CORO2B: variants seen among roughly 807,000 people sequenced by gnomAD.
CORO2B encodes coronin-2B.
In CORO2B, 26 loss-of-function variants were observed where a neutral mutation model predicts 58.8. The observed-to-expected ratio is 0.44, with a 90% CI of 0.32 to 0.61. The LOEUF (loss-of-function observed/expected upper bound fraction) is 0.61. CORO2B is among the 20% of genes least tolerant of loss of function. CORO2B has a pLI of 0.04. For synonymous variants in CORO2B, 242 were observed against 253.8 expected, an observed-to-expected ratio of 0.95 and a Z score of 0.44; for missense variants, 460 against 645.1, an observed-to-expected ratio of 0.71 and a Z score of 3.11.
the CORO2B span, chr15:68,559,710 C>T: frequency 2.3e-5 from 20 of 886,768 alleles, no homozygotes; most frequent in African/African-American, 3.4e-4. The surrounding 1 kb of genome is among the most constrained non-coding windows in gnomAD (Gnocchi z 4.3). Context: ...TGGGGTTCTC[C>T]CAGGGGGACT....
chr15:68,683,256 G>C (rs1027707998), intron 2 of CORO2B, among the ~76,000 whole-genome samples: 2 of 152,150 alleles, frequency 1.3e-5, no homozygotes, highest in Admixed American at 6.5e-5. Flanking sequence ...CTGGTGGGGA[G>C]CCTGAAGGAC....
intron 2 of CORO2B, among the ~76,000 whole-genome samples, chr15:68,673,965 C>T (rs899076199): frequency 6.6e-6 from 1 of 152,012 alleles, no homozygotes; most frequent in African/African-American, 2.4e-5. Context: ...TTTCGGTGGA[C>T]CCAGAAGCAG....
At chr15:68,555,537 T>A in the CORO2B span, among the ~76,000 whole-genome samples, 46 of 152,286 alleles carry the variant, frequency 3.0e-4, 1 homozygote, top group Non-Finnish European at 5.9e-5. Flanking sequence ...TGGCAACCTG[T>A]GGCTGGGACT....
intron 3 of CORO2B, among the ~76,000 whole-genome samples, chr15:68,701,301 C>A (rs926307844): frequency 7.8e-5 from 11 of 141,922 alleles, no homozygotes; most frequent in African/African-American, 3.1e-4. Flanking sequence ...GGACTAGTTT[C>A]TTTTTTTTCT....
At chr15:68,714,434 G>T in intron 6 of CORO2B, 125 bp from the exon 7 acceptor site, 1 of 738,118 alleles carries the variant, frequency 1.4e-6, no homozygotes, top group Non-Finnish European at 2.3e-6. Context: ...CATAGGACGG[G>T]CTTTTTAACA....
intron 3 of CORO2B, among the ~76,000 whole-genome samples, chr15:68,704,342 A>T (rs925026816): frequency 3.3e-5 from 5 of 152,088 alleles, no homozygotes; most frequent in African/African-American, 1.2e-4. Context: ...CTTAAGTGTT[A>T]TTCTTTGGTC....
At chr15:68,719,629 T>C in intron 11 of CORO2B, 77 bp downstream of exon 11, 1 of 1,473,144 alleles carries the variant, frequency 6.8e-7, no homozygotes, top group Non-Finnish European at 9.1e-7. Flanking sequence ...GCTTCAGGCC[T>C]TTAAGCCAGT....
At chr15:68,703,533 G>T (rs1892710607) in intron 3 of CORO2B, among the ~76,000 whole-genome samples, 1 of 152,088 alleles carries the variant, frequency 6.6e-6, no homozygotes, top group African/African-American at 2.4e-5. Context: ...AGCTACTAAG[G>T]GGTTAGATAT....
chr15:68,533,845 A>C, the CORO2B span, among the ~76,000 whole-genome samples: 1 of 152,216 alleles, frequency 6.6e-6, no homozygotes. Flanking sequence ...AGGTAATCAA[A>C]GGGTGGGGAC....
At chr15:68,642,789 T>C (rs1275387275) in intron 1 of CORO2B, among the ~76,000 whole-genome samples, 3 of 152,148 alleles carry the variant, frequency 2.0e-5, no homozygotes, top group Non-Finnish European at 4.4e-5. Flanking sequence ...GTGGACTATG[T>C]AGATCAGAGT....
At chr15:68,596,198 T>C (rs1394948782) in intron 1 of CORO2B, among the ~76,000 whole-genome samples, 1 of 152,122 alleles carries the variant, frequency 6.6e-6, no homozygotes, top group Non-Finnish European at 1.5e-5. Context: ...AAGCATGCAC[T>C]GTGCCCGTGA....
intron 1 of CORO2B, among the ~76,000 whole-genome samples, chr15:68,588,667 G>A (rs1899627052): frequency 1.3e-5 from 2 of 152,152 alleles, no homozygotes; most frequent in South Asian, 4.1e-4. Context: ...TTATGGAAAG[G>A]AATAGCCTCT....
At position 68,692,290 on chromosome 15, in the gene CORO2B, G is replaced by C. The variant is rs570882233; in HGVS notation, c.217-2850G>C. Among the ~76,000 whole-genome samples, 11 of 152,284 alleles carry C rather than the reference G, an allele frequency of 7.2e-5. 1 individual carries two copies. The South Asian group carries it at 2.3e-3, about 32-fold the overall frequency. ...GTCACATGTGACCCGCCTCTGCTTA[G>C]AGTCTCATTTTTTAAAAATCATATT... On this transcript the variant is annotated intron_variant, in intron 2 of 11. Transcript: ENST00000261861.
intron 2 of CORO2B, among the ~76,000 whole-genome samples, chr15:68,650,645 C>T (rs1384569139): frequency 1.3e-5 from 2 of 152,196 alleles, no homozygotes; most frequent in African/African-American, 4.8e-5. Context: ...TATCTGGAAG[C>T]GACTGCAAAA....
intron 1 of CORO2B, among the ~76,000 whole-genome samples, chr15:68,621,844 C>T (rs772224881): frequency 1.3e-4 from 19 of 150,890 alleles, no homozygotes; most frequent in Non-Finnish European, 2.2e-4. Flanking sequence ...ACAGCTTTGA[C>T]CTCCCAGGTT....
At chr15:68,550,191 G>A in the CORO2B span, among the ~76,000 whole-genome samples, 3 of 152,124 alleles carry the variant, frequency 2.0e-5, no homozygotes, top group South Asian at 2.1e-4. Context: ...GGGCGAATTT[G>A]AAGCTGCTTC....
chr15:68,727,243 G>C lies in CORO2B; in HGVS notation c.*1269G>C, dbSNP rs1128848. ...AGTCCTTTGACACATAGGATCTCATGGAGCCTCACGTCTACTCCCTTCTGC... is the reference window on the plus strand; with the variant it reads ...AGTCCTTTGACACATAGGATCTCATCGAGCCTCACGTCTACTCCCTTCTGC... On this transcript the variant is annotated 3_prime_UTR_variant, in exon 12 of 12. Transcript: ENST00000261861. 81,780 of 152,518 alleles carry C rather than the reference G, an allele frequency of 0.54. 23,477 individuals carry two copies. The highest frequency in any genetic ancestry group is 0.64 in the Non-Finnish European group (43,826 of 67,966). The allele number at this position is 152,518 out of a possible 1,614,324, so 9.4% of individuals were successfully genotyped here.
rs575885278 is a variant in CORO2B, at chr15:68,620,086, A to AT, written c.16-25069dup. On this transcript the variant is annotated intron_variant, in intron 1 of 11. Transcript: ENST00000261861. ...GCCACAACACCTGGCTAATTTTTAT[A>AT]TTTTTAGTAGAGACGGGGTTTCACC... Among the ~76,000 whole-genome samples the AT allele has an allele frequency of 3.3e-3, 500 of 152,030 alleles. 1 individual carries two copies. The highest frequency in any genetic ancestry group is 0.01 in the African/African-American group (431 of 41,458).
rs936353565 is a variant in CORO2B, at chr15:68,649,554, C to G, written c.216+4194C>G. Among the ~76,000 whole-genome samples the G allele has an allele frequency of 5.9e-5, 9 of 152,288 alleles. 1 individual carries two copies. The highest frequency in any genetic ancestry group is 3.3e-4 in the Admixed American group (5 of 15,300). Reference sequence around the variant, plus strand: ...TCTCCAGCGTTCAGTCTCAGGATCACTTTCCACTCTTGATTATTGAGGATC... The same window carrying G: ...TCTCCAGCGTTCAGTCTCAGGATCAGTTTCCACTCTTGATTATTGAGGATC... On this transcript the variant is annotated intron_variant, in intron 2 of 11. Coordinates refer to ENST00000261861, the MANE Select transcript of CORO2B (RefSeq NM_006091.5).
Sources: gnomAD v4.1 joint callset for allele counts (sites outside exome capture counted in the v4.1 genomes callset) on GRCh38, gnomAD v4.1.1 for gene constraint, Gnocchi (gnomAD v3.1) non-coding constraint, MANE v1.5 for transcripts, NCBI Gene and HGNC (gene_info 2026-07-23, HGNC 2026-07-21) for gene names.